The following RXRA variants were observed in gnomAD, a reference collection of about 807,000 sequenced individuals.
The protein encoded by RXRA is retinoic acid receptor RXR-alpha.
A neutral mutation model predicts 44.5 loss-of-function variants in RXRA; 5 were observed. That is an observed-to-expected ratio of 0.11 (90% CI 0.06 to 0.24). The LOEUF (loss-of-function observed/expected upper bound fraction) is 0.24, where lower values mean the gene tolerates loss of function less well. Among genes scored for constraint, RXRA ranks in the 10% least tolerant of loss-of-function variants. The pLI is 1.00. For missense variants in RXRA, 412 were observed against 646.5 expected (o/e 0.64, Z 3.93); for synonymous variants, 291 against 271.4 (o/e 1.07, Z -0.71).
At chr9:134,340,435 C>G (rs1488329818) in intron 1 of RXRA, among the ~76,000 whole-genome samples, 1 of 152,164 alleles carries the variant, frequency 6.6e-6, no homozygotes, top group Non-Finnish European at 1.5e-5. Flanking sequence ...TGATAATTGT[C>G]CAGCCAGGAG....
chr9:134,410,728 C>T (rs1276934008), intron 4 of RXRA, among the ~76,000 whole-genome samples: 1 of 152,110 alleles, frequency 6.6e-6, no homozygotes, highest in African/African-American at 2.4e-5. Context: ...GCCTCGTGTG[C>T]AGCCTTAGCC....
intron 2 of RXRA, chr9:134,405,803 C>G (rs1431132026): frequency 6.6e-6 from 1 of 152,602 alleles, no homozygotes; most frequent in Non-Finnish European, 1.5e-5. Context: ...AGCGAGGGTG[C>G]CCGACACTTC....
intron 1 of RXRA, among the ~76,000 whole-genome samples, chr9:134,348,880 T>C (rs1356226103): frequency 6.6e-6 from 1 of 152,186 alleles, no homozygotes; most frequent in Admixed American, 6.5e-5. Flanking sequence ...GTGTGTGGCT[T>C]TGAAACACCC....
intron 1 of RXRA, among the ~76,000 whole-genome samples, chr9:134,396,984 C>A (rs1369297739): frequency 6.6e-6 from 1 of 152,244 alleles, no homozygotes; most frequent in Non-Finnish European, 1.5e-5. Context: ...CCCGCCCCCA[C>A]CACAGTCAGA....
At chr9:134,399,774 G>A (rs1830931507) in intron 1 of RXRA, among the ~76,000 whole-genome samples, 1 of 152,256 alleles carries the variant, frequency 6.6e-6, no homozygotes, top group Non-Finnish European at 1.5e-5. Context: ...TTTGCTGGTG[G>A]GGTCTGTACC....
chr9:134,367,950 C>T (rs1020987352), intron 1 of RXRA, among the ~76,000 whole-genome samples: 7 of 152,390 alleles, frequency 4.6e-5, no homozygotes, highest in Non-Finnish European at 5.9e-5. Flanking sequence ...CTGATGGTAT[C>T]GGCCTTGCCG....
chr9:134,409,866 G>A (rs1353169121), intron 4 of RXRA, among the ~76,000 whole-genome samples: 3 of 152,196 alleles, frequency 2.0e-5, no homozygotes, highest in Non-Finnish European at 4.4e-5. Flanking sequence ...GCTGTCTGGG[G>A]TGAAGATCTG....
At position 134,392,999 on chromosome 9, in the gene RXRA, C is replaced by T. The variant is rs970599502; in HGVS notation, c.29-8633C>T. On this transcript the variant is annotated intron_variant, in intron 1 of 9. Coordinates refer to ENST00000481739, the MANE Select transcript of RXRA (RefSeq NM_002957.6). ...TGCTCGTCCCTGTTAGGGGCCAGTTCTGCAGGTGGTTACTTGGCTTCTTCT... is the reference window on the plus strand; with the variant it reads ...TGCTCGTCCCTGTTAGGGGCCAGTTTTGCAGGTGGTTACTTGGCTTCTTCT... Among the ~76,000 whole-genome samples the T allele has an allele frequency of 1.1e-4, 17 of 150,242 alleles. No individual in the cohort carries two copies. The East Asian group carries it at 3.4e-3, about 30-fold the overall frequency.
At chr9:134,337,996 C>T (rs982207847) in intron 1 of RXRA, among the ~76,000 whole-genome samples, 5 of 152,208 alleles carry the variant, frequency 3.3e-5, no homozygotes, top group African/African-American at 4.8e-5. Flanking sequence ...TGTCCAGAGC[C>T]GCTCTGAGGA....
Position 134,358,292 on chromosome 9 carries a change from C to T in RXRA, c.28+31633C>T, listed in dbSNP as rs550175139. On this transcript the variant is annotated intron_variant, in intron 1 of 9. Transcript: ENST00000481739. ...CCAGTCCTGTTAGGCCGCCACCATC[C>T]ACTTTCCTCCGGCAGCAGGCAGGCA... 1.4e-3 allele frequency among the ~76,000 whole-genome samples: 207 copies of T among 152,300 alleles called. 1 individual carries two copies. Among genetic ancestry groups the T allele is most frequent in the African/African-American group, 4.8e-3 (198 of 41,540 alleles).
intron 9 of RXRA, 91 bp from the exon 10 acceptor site, chr9:134,436,376 A>G: frequency 7.6e-7 from 1 of 1,308,216 alleles, no homozygotes; most frequent in South Asian, 1.3e-5. Context: ...TTGGGGTATC[A>G]GACACAGCCC....
intron 1 of RXRA, among the ~76,000 whole-genome samples, chr9:134,368,559 G>T (rs1280475063): frequency 6.6e-6 from 1 of 152,068 alleles, no homozygotes; most frequent in Non-Finnish European, 1.5e-5. Flanking sequence ...GTGTGACTGT[G>T]TATTTTGTAT....
At chr9:134,329,718 A>AG (rs782789898) in intron 1 of RXRA, among the ~76,000 whole-genome samples, 8 of 152,170 alleles carry the variant, frequency 5.3e-5, no homozygotes, top group Non-Finnish European at 8.8e-5. Context: ...CCTGTCCTTC[A>AG]GGGCCTGTGG....
chr9:134,419,140 C>T (rs1242007267), intron 5 of RXRA, among the ~76,000 whole-genome samples: 2 of 152,244 alleles, frequency 1.3e-5, no homozygotes, highest in African/African-American at 4.8e-5. Flanking sequence ...GACCCACCCC[C>T]AGCCCTGGCT....
chr9:134,396,363 C>T (rs567573755), intron 1 of RXRA, among the ~76,000 whole-genome samples: 190 of 152,268 alleles, frequency 1.2e-3, no homozygotes, highest in Admixed American at 3.0e-3. Context: ...GTCCCTGCCA[C>T]GTCCTCATCC....
rs1831619849 is a variant in RXRA at position 134,436,321 on chromosome 9, G to T, written c.1242-146G>T. The T allele has an allele frequency of 3.9e-6, 3 of 760,666 alleles. No individual in the cohort carries two copies. In the South Asian group the frequency reaches 5.2e-5, roughly 13 times the overall value. The allele number at this position is 760,666 out of a possible 1,614,324, so 47.1% of individuals were successfully genotyped here. A position where few individuals can be genotyped will look rare whatever the true frequency, so the allele number is the denominator to read the frequency against. ...TAGCCTCCCCTCCTTCCTTCTGGAGGCTTGGCATAGGCAGATTCAGGGCTA... is the reference window on the plus strand; with the variant it reads ...TAGCCTCCCCTCCTTCCTTCTGGAGTCTTGGCATAGGCAGATTCAGGGCTA... On this transcript the variant is annotated intron_variant, in intron 9 of 9. Coordinates refer to ENST00000481739, the MANE Select transcript of RXRA (RefSeq NM_002957.6).
intron 1 of RXRA, among the ~76,000 whole-genome samples, chr9:134,395,354 G>C (rs558531025): frequency 6.6e-6 from 1 of 152,002 alleles, no homozygotes; most frequent in South Asian, 2.1e-4. Flanking sequence ...GGCCGGCCAT[G>C]GGGGGCTGAT....
At position 134,427,188 on chromosome 9, in the gene RXRA, G is replaced by C. The variant is rs1052734045; in HGVS notation, c.911-1920G>C. Reference sequence around the variant, plus strand: ...GCAAAAACAAAAAAAAAAAAAAGAGGGTTCTGTGGTCAAAGAAAATCTGGC... The same window carrying C: ...GCAAAAACAAAAAAAAAAAAAAGAGCGTTCTGTGGTCAAAGAAAATCTGGC... On this transcript the variant is annotated intron_variant, in intron 6 of 9. Coordinates refer to ENST00000481739, the MANE Select transcript of RXRA (RefSeq NM_002957.6). The C allele has an allele frequency of 2.8e-5, 27 of 970,014 alleles. No individual in the cohort carries two copies. In the African/African-American group the frequency reaches 4.6e-4, roughly 16 times the overall value. 60.1% of individuals were successfully genotyped at this position (970,014 alleles called of 1,614,324 possible).
intron 8 of RXRA, among the ~76,000 whole-genome samples, chr9:134,432,500 G>A (rs781770496): frequency 6.6e-6 from 1 of 152,234 alleles, no homozygotes; most frequent in Non-Finnish European, 1.5e-5. Context: ...CTGTGGGGCT[G>A]GGGCTGGGCA....
Sources: allele counts gnomAD v4.1 joint callset (sites outside exome capture counted in the v4.1 genomes callset), GRCh38; gene constraint gnomAD v4.1.1; transcripts MANE v1.5; gene names NCBI Gene and HGNC (gene_info 2026-07-23, HGNC 2026-07-21).